Variants in WDR7 observed in about 807,000 individuals in gnomAD.
The protein encoded by WDR7 is WD repeat domain 7.
Under a neutral mutation model 169.4 loss-of-function variants are expected in WDR7, and 46 were observed. The ratio of observed to expected loss-of-function variants is 0.27; its 90% CI spans 0.21 to 0.35. WDR7 has a LOEUF of 0.35. WDR7 is among the 10% of genes least tolerant of loss of function. WDR7 has a pLI of 1.00. For missense variants in WDR7, 1,534 were observed against 1,859.3 expected (o/e 0.83, Z 3.22); for synonymous variants, 612 against 666.8 (o/e 0.92, Z 1.27).
At chr18:56,921,779 A>G (rs73958704) in intron 21 of WDR7, among the ~76,000 whole-genome samples, 6,410 of 152,216 alleles carry the variant, frequency 0.042, 180 homozygotes, top group Middle Eastern at 0.078. Flanking sequence ...ATATCAAAAC[A>G]TCGACCACTT....
intron 20 of WDR7, among the ~76,000 whole-genome samples, chr18:56,858,436 A>G (rs1173060104): frequency 6.6e-6 from 1 of 152,114 alleles, no homozygotes; most frequent in Non-Finnish European, 1.5e-5. Context: ...GAAGACCCCT[A>G]TATTCTAAAA....
intron 20 of WDR7, among the ~76,000 whole-genome samples, chr18:56,851,840 T>C (rs1187351465): frequency 6.6e-6 from 1 of 152,232 alleles, no homozygotes; most frequent in Admixed American, 6.5e-5. Context: ...TCCCCCACCT[T>C]CTTGCTCATT....
At chr18:57,021,859 T>C (rs1370214) in intron 27 of WDR7, among the ~76,000 whole-genome samples, 131,822 of 152,220 alleles carry the variant, frequency 0.87, 57,124 homozygotes, top group Admixed American at 0.88. Flanking sequence ...GGCTTCAGCA[T>C]AACTGGGTGA....
chr18:56,962,761 A>G (rs2047355618), intron 26 of WDR7, among the ~76,000 whole-genome samples: 1 of 152,180 alleles, frequency 6.6e-6, no homozygotes, highest in African/African-American at 2.4e-5. Flanking sequence ...GTAAGGTGGC[A>G]CTGCTAACAA....
chr18:56,978,496 G>C (rs866764190), intron 26 of WDR7, among the ~76,000 whole-genome samples: 10 of 152,164 alleles, frequency 6.6e-5, no homozygotes, highest in Middle Eastern at 6.8e-3. Flanking sequence ...GAAGAGAAAG[G>C]TGAGATGCCT....
At chr18:56,961,353 T>C (rs1162918686) in intron 25 of WDR7, among the ~76,000 whole-genome samples, 1 of 152,014 alleles carries the variant, frequency 6.6e-6, no homozygotes, top group Non-Finnish European at 1.5e-5. Context: ...CCTCCCCCCT[T>C]ATAAAATATA....
At chr18:56,975,092 G>A (rs896074009) in intron 26 of WDR7, among the ~76,000 whole-genome samples, 1 of 152,020 alleles carries the variant, frequency 6.6e-6, no homozygotes, top group Admixed American at 6.6e-5. Context: ...ACAAAAATTA[G>A]CCGGGTGTGG....
intron 14 of WDR7, among the ~76,000 whole-genome samples, chr18:56,744,097 G>A (rs1057404140): frequency 6.6e-6 from 1 of 151,974 alleles, no homozygotes; most frequent in African/African-American, 2.4e-5. Flanking sequence ...AAGTTAGCTG[G>A]GCGTAGTGGC....
chr18:56,662,674 G>A (rs2024930165), intron 1 of WDR7, among the ~76,000 whole-genome samples: 2 of 152,094 alleles, frequency 1.3e-5, no homozygotes. Flanking sequence ...AGTAAAAACA[G>A]GTGATGGAGG....
intron 20 of WDR7, among the ~76,000 whole-genome samples, chr18:56,869,578 A>G (rs2045926657): frequency 6.6e-6 from 1 of 152,202 alleles, no homozygotes; most frequent in Non-Finnish European, 1.5e-5. Flanking sequence ...GGGAAAATCT[A>G]TGCCGCTAAC....
intron 11 of WDR7, among the ~76,000 whole-genome samples, chr18:56,695,434 T>C (rs1362059253): frequency 6.6e-6 from 1 of 152,188 alleles, no homozygotes; most frequent in East Asian, 1.9e-4. Context: ...CTTTGAGATA[T>C]GTTAATAGTT....
At chr18:57,012,458 G>T (rs1599245864) in intron 26 of WDR7, among the ~76,000 whole-genome samples, 2 of 142,572 alleles carry the variant, frequency 1.4e-5, no homozygotes, top group South Asian at 2.2e-4. Flanking sequence ...TAGGGGTTCT[G>T]CGAGGTCCCC....
chr18:56,923,085 G>A (rs753281163), intron 21 of WDR7, among the ~76,000 whole-genome samples: 37 of 151,818 alleles, frequency 2.4e-4, no homozygotes, highest in Non-Finnish European at 4.9e-4. Flanking sequence ...TGTGACTTAG[G>A]AACTATTTTC....
chr18:56,792,167 G>A (rs377756572), intron 19 of WDR7, among the ~76,000 whole-genome samples: 1 of 152,028 alleles, frequency 6.6e-6, no homozygotes. Context: ...ACAGGTGCAC[G>A]CCACCATGTC....
Position 56,962,444 on chromosome 18 carries a change from G to A in WDR7, c.4079G>A (p.Ser1360Asn). The A allele has an allele frequency of 6.2e-7, 1 of 1,613,000 alleles. No homozygotes were observed. Among genetic ancestry groups the A allele is most frequent in the Non-Finnish European group, 8.5e-7 (1 of 1,179,286 alleles). ...GTTCAACTCAGGTTCTACATGGTCAGCTATTATGAGCGGAATCACAGAATA... is the reference window on the plus strand; with the variant it reads ...GTTCAACTCAGGTTCTACATGGTCAACTATTATGAGCGGAATCACAGAATA... The part of the protein sequence containing the change: ...FPAICRFYMV[S>N]YYERNHRIAV... Residue 1360 changes from serine to asparagine, a missense_variant, in exon 26 of 28, where the codon AGC becomes AAC. Transcript: ENST00000254442.
rs147367098 is a variant in WDR7 at position 56,761,190 on chromosome 18, A to G, written c.2848+2237A>G. On this transcript the variant is annotated intron_variant, in intron 16 of 27. Transcript: ENST00000254442. ...ATCCTGACTAATTTTTTCTATTTTT[A>G]GTAGAGATGGGGTTTTGCCATTCTG... Among the ~76,000 whole-genome samples, 1,364 of 152,184 alleles carry G rather than the reference A, an allele frequency of 9.0e-3. 23 individuals are homozygous for G. The highest frequency in any genetic ancestry group is 0.028 in the African/African-American group (1,182 of 41,516).
At chr18:56,798,534 A>C (rs964543029) in intron 19 of WDR7, among the ~76,000 whole-genome samples, 2 of 152,204 alleles carry the variant, frequency 1.3e-5, no homozygotes, top group African/African-American at 4.8e-5. Flanking sequence ...TAATGAGTTA[A>C]GATATCCTGG....
chr18:56,803,801 A>G (rs1166705146), intron 19 of WDR7, among the ~76,000 whole-genome samples: 1 of 152,130 alleles, frequency 6.6e-6, no homozygotes, highest in African/African-American at 2.4e-5. Context: ...AATTTATCTA[A>G]TTAATTAATT....
chr18:56,737,270 C>T (rs370725286), intron 14 of WDR7, among the ~76,000 whole-genome samples: 2 of 152,238 alleles, frequency 1.3e-5, no homozygotes, highest in African/African-American at 2.4e-5. Context: ...TGAGCATATC[C>T]GGTGATGTTT....
Sources: gnomAD v4.1 joint callset for allele counts (sites outside exome capture counted in the v4.1 genomes callset) on GRCh38, gnomAD v4.1.1 for gene constraint, MANE v1.5 for transcripts, NCBI Gene and HGNC (gene_info 2026-07-23, HGNC 2026-07-21) for gene names.